ADAMTS16: variants seen among roughly 807,000 people sequenced by gnomAD.
ADAMTS16 encodes A disintegrin and metalloproteinase with thrombospondin motifs 16.
A neutral mutation model predicts 145.8 loss-of-function variants in ADAMTS16; 94 were observed. That is an observed-to-expected ratio of 0.64 (90% CI 0.55 to 0.77). The LOEUF is 0.77. Among genes scored for constraint, ADAMTS16 ranks in the 30% least tolerant of loss-of-function variants. The pLI is 0.00. For missense variants in ADAMTS16, 1,585 were observed against 1,591.5 expected, an observed-to-expected ratio of 1.00 and a Z score of 0.07; for synonymous variants, 659 against 604.3, an observed-to-expected ratio of 1.09 and a Z score of -1.33.
chr5:5,184,175 C>T (rs1026942822), intron 4 of ADAMTS16, among the ~76,000 whole-genome samples: 8 of 151,974 alleles, frequency 5.3e-5, no homozygotes, highest in South Asian at 2.1e-4. Context: ...TGCTCATGGA[C>T]GCACCCCCAG....
Position 5,198,122 on chromosome 5 carries a change from C to T in ADAMTS16, c.1314-2010C>T, listed in dbSNP as rs892355535. Among the ~76,000 whole-genome samples, 99 of 152,162 alleles carry T rather than the reference C, an allele frequency of 6.5e-4. 9 individuals carry two copies. The highest frequency in any genetic ancestry group is 1.2e-4 in the Non-Finnish European group (8 of 68,034). Reference sequence around the variant, plus strand: ...AATTCCTTAGAAAGGTAGGCAGACACGGTAGCAAGTTTATCGAGGGCAATT... The same window carrying T: ...AATTCCTTAGAAAGGTAGGCAGACATGGTAGCAAGTTTATCGAGGGCAATT... On this transcript the variant is annotated intron_variant, in intron 8 of 22. Transcript: ENST00000274181.
chr5:5,168,147 T>C (rs1294233436), intron 3 of ADAMTS16, among the ~76,000 whole-genome samples: 4 of 152,142 alleles, frequency 2.6e-5, no homozygotes, highest in Non-Finnish European at 5.9e-5. Flanking sequence ...ATACTTATTA[T>C]GATGACATTT....
chr5:5,320,209 T>C lies in ADAMTS16; in HGVS notation c.*1071T>C, dbSNP rs1734231618. The C allele has an allele frequency of 3.4e-6, 1 of 293,270 alleles. No individual in the cohort carries two copies. The highest frequency in any genetic ancestry group is 2.3e-5 in the African/African-American group (1 of 43,030). 18.2% of individuals were successfully genotyped at this position (293,270 alleles called of 1,614,324 possible). On this transcript the variant is annotated 3_prime_UTR_variant, in exon 23 of 23. Coordinates refer to ENST00000274181, the MANE Select transcript of ADAMTS16 (RefSeq NM_139056.4). The surrounding 1 kb of genome is among the most constrained non-coding windows in gnomAD (Gnocchi z 5.1). Reference sequence around the variant, plus strand: ...TCCCTGCCATCCTCAGTGCGGCTGCTGTTCTCCTGTCCGGTGCTGTGGCTC... The same window carrying C: ...TCCCTGCCATCCTCAGTGCGGCTGCCGTTCTCCTGTCCGGTGCTGTGGCTC...
At chr5:5,244,835 C>T (rs781484768) in intron 17 of ADAMTS16, among the ~76,000 whole-genome samples, 6 of 152,208 alleles carry the variant, frequency 3.9e-5, no homozygotes, top group Non-Finnish European at 5.9e-5. Context: ...GACGACCTTA[C>T]ACGTAGGCGG....
At chr5:5,293,615 T>G (rs1361420892) in intron 18 of ADAMTS16, among the ~76,000 whole-genome samples, 1 of 152,198 alleles carries the variant, frequency 6.6e-6, no homozygotes, top group Non-Finnish European at 1.5e-5. Flanking sequence ...CGGGAGCAAC[T>G]GTGTTTCCGT....
rs549637574 is a variant in ADAMTS16, at chr5:5,170,864, G to T, written c.502-11180G>T. Among the ~76,000 whole-genome samples, 17 of 152,132 alleles carry T rather than the reference G, an allele frequency of 1.1e-4. 1 individual carries two copies. In the South Asian group the frequency reaches 3.3e-3, roughly 30 times the overall value. On this transcript the variant is annotated intron_variant, in intron 3 of 22. Coordinates refer to ENST00000274181, the MANE Select transcript of ADAMTS16 (RefSeq NM_139056.4). ...TTGCTGTGCAGAAGCTTTTTAACTT[G>T]CAGGGATCCCATTGGTCCATTTTTG...
At chr5:5,230,097 T>C (rs979792023) in intron 11 of ADAMTS16, among the ~76,000 whole-genome samples, 2 of 152,096 alleles carry the variant, frequency 1.3e-5, no homozygotes, top group African/African-American at 4.8e-5. Flanking sequence ...AATTGCCTGA[T>C]TATAGCAGAT....
intron 3 of ADAMTS16, among the ~76,000 whole-genome samples, chr5:5,172,675 G>A (rs1560933523): frequency 6.6e-6 from 1 of 152,048 alleles, no homozygotes; most frequent in Non-Finnish European, 1.5e-5. Context: ...GTCTGTTCTT[G>A]AGAATTATCC....
At chr5:5,239,976 T>C (rs1737237847) in intron 16 of ADAMTS16, 51 bp downstream of exon 16, 1 of 1,601,286 alleles carries the variant, frequency 6.2e-7, no homozygotes, top group African/African-American at 1.3e-5. Context: ...GGTGTTCTGG[T>C]GTCTGTGTAA....
At chr5:5,312,862 T>C (rs1740514759) in intron 21 of ADAMTS16, among the ~76,000 whole-genome samples, 1 of 152,148 alleles carries the variant, frequency 6.6e-6, no homozygotes, top group African/African-American at 2.4e-5. Flanking sequence ...ATACTTTGCC[T>C]TCTCTGTCTG....
At chr5:5,159,239 A>C (rs1036397598) in intron 3 of ADAMTS16, among the ~76,000 whole-genome samples, 1 of 152,240 alleles carries the variant, frequency 6.6e-6, no homozygotes, top group Admixed American at 6.5e-5. Context: ...CATTCAAACG[A>C]GAAGCAGAAT....
At position 5,303,615 on chromosome 5, in the gene ADAMTS16, C is replaced by T. The variant is rs771171289; in HGVS notation, c.3035C>T (p.Ala1012Val). ...AAGGGGTGGAGGAAGCGGGCAGTGG[C>T]CTGTAAGAGCACCAACCCCTCGGCC... ...CGKGWRKRAV[A>V]CKSTNPSARA... Residue 1012 changes from alanine (A) to valine (V), a missense_variant, in exon 20 of 23, where the codon GCC becomes GTC. Ala to Val is a moderately conservative substitution (Grantham distance 64). This residue lies in a region of ADAMTS16 where 834 missense variants were observed against 811.7 expected (regional missense o/e 1.03). Transcript: ENST00000274181. The T allele has an allele frequency of 6.2e-7, 1 of 1,614,136 alleles. No individual in the cohort carries two copies. Among genetic ancestry groups the T allele is most frequent in the Non-Finnish European group, 8.5e-7 (1 of 1,180,012 alleles).
At chr5:5,159,498 C>T (rs1734688393) in intron 3 of ADAMTS16, among the ~76,000 whole-genome samples, 2 of 152,082 alleles carry the variant, frequency 1.3e-5, no homozygotes, top group African/African-American at 4.8e-5. Context: ...TCTCCTCAGT[C>T]CCCGCCGCCC....
At chr5:5,195,616 A>G (rs1735780167) in intron 8 of ADAMTS16, among the ~76,000 whole-genome samples, 1 of 152,248 alleles carries the variant, frequency 6.6e-6, no homozygotes, top group Admixed American at 6.5e-5. Context: ...TATATAAAAT[A>G]GGCTTAAATA....
rs181640111 is a variant in ADAMTS16 at position 5,305,809 on chromosome 5, G to A, written c.3187-695G>A. Among the ~76,000 whole-genome samples, 142 of 152,334 alleles carry A rather than the reference G, an allele frequency of 9.3e-4. 1 individual carries two copies. Among genetic ancestry groups the A allele is most frequent in the Admixed American group, 4.6e-3 (70 of 15,306 alleles). On this transcript the variant is annotated intron_variant, in intron 20 of 22. Transcript: ENST00000274181. The stretch of plus-strand genomic sequence containing the variant: ...ACCCCAGCAGGAGACAGCAACGCCA[G>A]GGGCCGGGACCTCTGTCCCAGAGAC...
chr5:5,226,131 G>T (rs1421758649), intron 11 of ADAMTS16, among the ~76,000 whole-genome samples: 2 of 152,062 alleles, frequency 1.3e-5, no homozygotes, highest in African/African-American at 2.4e-5. Context: ...TTTTCCTTTT[G>T]GTATAGTGAG....
chr5:5,172,106 G>A (rs566086160), intron 3 of ADAMTS16, among the ~76,000 whole-genome samples: 7 of 151,964 alleles, frequency 4.6e-5, no homozygotes, highest in Non-Finnish European at 7.4e-5. Flanking sequence ...TGTCTCCTTC[G>A]TAATCTCTAA....
At chr5:5,243,436 G>A (rs144284798) in intron 17 of ADAMTS16, among the ~76,000 whole-genome samples, 2 of 152,304 alleles carry the variant, frequency 1.3e-5, no homozygotes, top group African/African-American at 4.8e-5. Context: ...GGAACAGAAG[G>A]ACATTGTATG....
intron 18 of ADAMTS16, among the ~76,000 whole-genome samples, chr5:5,263,157 C>T (rs1442326985): frequency 6.6e-6 from 1 of 152,240 alleles, no homozygotes; most frequent in East Asian, 1.9e-4. Context: ...AAGAACCCAT[C>T]ACAAGGCCTG....
Sources: gnomAD v4.1 joint callset for allele counts (sites outside exome capture counted in the v4.1 genomes callset) on GRCh38, gnomAD v4.1.1 for gene constraint, gnomAD v4.1.1 regional missense constraint, Gnocchi (gnomAD v3.1) non-coding constraint, MANE v1.5 for transcripts, NCBI Gene and HGNC (gene_info 2026-07-23, HGNC 2026-07-21) for gene names.